Variants in GRIN2B observed in about 807,000 individuals in gnomAD.
The protein encoded by GRIN2B is glutamate ionotropic receptor NMDA type subunit 2B.
In GRIN2B, 5 loss-of-function variants were observed where a neutral mutation model predicts 114.5. That is an observed-to-expected ratio of 0.04 (90% CI 0.02 to 0.09). The LOEUF (loss-of-function observed/expected upper bound fraction) is 0.09. GRIN2B is among the 10% of genes least tolerant of loss of function. The pLI is 1.00. For missense variants in GRIN2B, 1,108 were observed against 1,943.5 expected (o/e 0.57, Z 8.08); for synonymous variants, 787 against 745.1 (o/e 1.06, Z -0.92).
chr12:13,866,302 C>T, intron 2 of GRIN2B, 76 bp from the exon 3 acceptor site: 1 of 1,263,084 alleles, frequency 7.9e-7, no homozygotes. Context: ...CTAGATACTG[C>T]AATTCAAGGA....
intron 4 of GRIN2B, among the ~76,000 whole-genome samples, chr12:13,738,469 C>A (rs1863222628): frequency 6.6e-6 from 1 of 152,086 alleles, no homozygotes; most frequent in Non-Finnish European, 1.5e-5. Context: ...AAAACTCATC[C>A]CTCTGCATAA....
At chr12:13,894,988 G>T (rs930304550) in intron 2 of GRIN2B, among the ~76,000 whole-genome samples, 6 of 152,180 alleles carry the variant, frequency 3.9e-5, no homozygotes, top group Non-Finnish European at 8.8e-5. Context: ...ATCTAAGTTT[G>T]AGTTATCACA....
rs542738740 is a variant in GRIN2B at position 13,560,376 on chromosome 12, T to C, written c.*2407A>G. 1.3e-5 allele frequency: 2 copies of C among 152,342 alleles called. No individual in the cohort carries two copies. The highest frequency in any genetic ancestry group is 4.1e-4 in the South Asian group (2 of 4,830). The allele number at this position is 152,342 out of a possible 1,614,324, so 9.4% of individuals were successfully genotyped here. On this transcript the variant is annotated 3_prime_UTR_variant, in exon 14 of 14. Coordinates refer to ENST00000609686, the MANE Select transcript of GRIN2B (RefSeq NM_000834.5). ...CCTGAATACTCACAAGAGAACACTT[T>C]ATCTATACAAAATTAGAAAACAAAA...
chr12:13,830,545 C>T (rs1865127009), intron 3 of GRIN2B, among the ~76,000 whole-genome samples: 1 of 152,154 alleles, frequency 6.6e-6, no homozygotes, highest in African/African-American at 2.4e-5. Flanking sequence ...TTTTCTTTCA[C>T]ACATATTAGC....
rs555562850 is a variant in GRIN2B, at chr12:13,537,405, T to C, written c.*25378A>G. 5.9e-5 allele frequency: 9 copies of C among 152,128 alleles called. No individual in the cohort carries two copies. The highest frequency in any genetic ancestry group is 1.9e-4 in the East Asian group (1 of 5,170). The allele number at this position is 152,128 out of a possible 1,614,324, so 9.4% of individuals were successfully genotyped here. A position where few individuals can be genotyped will look rare whatever the true frequency, so the allele number is the denominator to read the frequency against. On this transcript the variant is annotated 3_prime_UTR_variant, in exon 14 of 14. Transcript: ENST00000609686. Reference sequence around the variant, plus strand: ...AGAGGAGCTTTGCAGTATGTCTATATCTAGCCGTGTATGCTGGGGATAGGC... The same window carrying C: ...AGAGGAGCTTTGCAGTATGTCTATACCTAGCCGTGTATGCTGGGGATAGGC...
chr12:13,648,618 G>A (rs781110904), intron 5 of GRIN2B, among the ~76,000 whole-genome samples: 1 of 151,828 alleles, frequency 6.6e-6, no homozygotes, highest in Non-Finnish European at 1.5e-5. Flanking sequence ...TGCAGTTAGC[G>A]CCTTTGACAA....
intron 2 of GRIN2B, among the ~76,000 whole-genome samples, chr12:13,965,684 A>C (rs1867779061): frequency 6.6e-6 from 1 of 152,028 alleles, no homozygotes. Context: ...CTTTCCCTTT[A>C]ATTTCTCATA....
chr12:13,683,176 G>A (rs1950147023), intron 4 of GRIN2B, among the ~76,000 whole-genome samples: 2 of 152,024 alleles, frequency 1.3e-5, no homozygotes, highest in South Asian at 2.1e-4. Context: ...TCATTAGTAA[G>A]ATATTCTCAT....
chr12:13,595,694 A>T (rs1175651224), intron 10 of GRIN2B, among the ~76,000 whole-genome samples: 1 of 152,138 alleles, frequency 6.6e-6, no homozygotes, highest in Non-Finnish European at 1.5e-5. Context: ...TCTCCTCATT[A>T]GCAACCTGGA....
At chr12:13,616,713 C>T (rs1473295435) in intron 5 of GRIN2B, 56 bp from the exon 6 acceptor site, 13 of 1,366,412 alleles carry the variant, frequency 9.5e-6, no homozygotes, top group Non-Finnish European at 1.4e-5. Context: ...TAACAAACAG[C>T]CTGTCCCAGT....
intron 3 of GRIN2B, among the ~76,000 whole-genome samples, chr12:13,852,573 AT>A (rs1865586423): frequency 6.6e-6 from 1 of 151,894 alleles, no homozygotes; most frequent in Non-Finnish European, 1.5e-5. Context: ...AACAGAAGCC[AT>A]TTATTCAAAA....
intron 2 of GRIN2B, among the ~76,000 whole-genome samples, chr12:13,884,115 T>C (rs994051493): frequency 1.3e-5 from 2 of 152,186 alleles, no homozygotes; most frequent in African/African-American, 4.8e-5. Context: ...TGGACTCTTT[T>C]ATGCTATTAC....
intron 2 of GRIN2B, among the ~76,000 whole-genome samples, chr12:13,873,912 T>G (rs764574570): frequency 6.6e-6 from 1 of 152,186 alleles, no homozygotes; most frequent in Admixed American, 6.5e-5. Flanking sequence ...AAAACCTTCA[T>G]TAAAGCTGTT....
intron 2 of GRIN2B, among the ~76,000 whole-genome samples, chr12:13,953,233 A>G (rs1457411782): frequency 6.6e-6 from 1 of 152,128 alleles, no homozygotes. Flanking sequence ...TAGACGCTGC[A>G]TGGCCTTTTC....
intron 2 of GRIN2B, among the ~76,000 whole-genome samples, chr12:13,903,700 C>T (rs187674895): frequency 3.5e-4 from 53 of 152,124 alleles, no homozygotes; most frequent in Non-Finnish European, 6.6e-4. Context: ...TAGCTTTTTA[C>T]TAGAGTGTTC....
chr12:13,740,802 G>A (rs1863269497), intron 4 of GRIN2B, among the ~76,000 whole-genome samples: 1 of 152,120 alleles, frequency 6.6e-6, no homozygotes, highest in East Asian at 1.9e-4. Context: ...TTTGGGAATA[G>A]GATAAGAAAA....
intron 3 of GRIN2B, among the ~76,000 whole-genome samples, chr12:13,798,775 A>T (rs1864457991): frequency 6.6e-6 from 1 of 152,222 alleles, no homozygotes. Context: ...TCATTCTAGA[A>T]CATTTCAACA....
At chr12:13,911,001 C>T (rs551530360) in intron 2 of GRIN2B, among the ~76,000 whole-genome samples, 7 of 152,112 alleles carry the variant, frequency 4.6e-5, no homozygotes, top group South Asian at 2.1e-4. Context: ...ATCACCCTTA[C>T]GTAAAAGATA....
chr12:13,574,025 A>G (rs188827302), intron 10 of GRIN2B, among the ~76,000 whole-genome samples: 197 of 152,320 alleles, frequency 1.3e-3, no homozygotes, highest in African/African-American at 4.6e-3. Flanking sequence ...GGATAAAGAC[A>G]CTACAAAAGA....
Sources: gnomAD v4.1 joint callset for allele counts (sites outside exome capture counted in the v4.1 genomes callset) on GRCh38, gnomAD v4.1.1 for gene constraint, MANE v1.5 for transcripts, NCBI Gene and HGNC (gene_info 2026-07-23, HGNC 2026-07-21) for gene names.